The following C8orf34 variants were observed in gnomAD, a reference collection of about 807,000 sequenced individuals.
C8orf34 encodes uncharacterized protein C8orf34.
C8orf34 carries 65 observed loss-of-function variants against 68.3 expected under a neutral mutation model. The ratio of observed to expected loss-of-function variants is 0.95; its 90% confidence interval spans 0.78 to 1.17. C8orf34 has a LOEUF of 1.17. Among genes scored for constraint, C8orf34 ranks in the 50% most tolerant of loss-of-function variants. C8orf34 has a pLI of 0.00. For synonymous variants in C8orf34, 244 were observed against 241.2 expected (o/e 1.01, Z -0.11); for missense variants, 664 against 655.4 (o/e 1.01, Z -0.14).
chr8:68,471,141 A>G (rs764702619), intron 4 of C8orf34, among the ~76,000 whole-genome samples: 1 of 151,952 alleles, frequency 6.6e-6, no homozygotes, highest in African/African-American at 2.4e-5. Flanking sequence ...GTCATAGTCA[A>G]CTCCTATAGA....
At chr8:68,693,896 A>C (rs974708593) in intron 8 of C8orf34, among the ~76,000 whole-genome samples, 2 of 152,176 alleles carry the variant, frequency 1.3e-5, no homozygotes, top group East Asian at 1.9e-4. Flanking sequence ...GCTTTTAATA[A>C]TAAATTAAGA....
intron 7 of C8orf34, among the ~76,000 whole-genome samples, chr8:68,579,124 AT>A (rs952349064): frequency 2.0e-5 from 3 of 151,176 alleles, no homozygotes; most frequent in Non-Finnish European, 3.0e-5. Flanking sequence ...AGTTTTGAAA[AT>A]TTTTTTTTAA....
chr8:68,743,541 C>T (rs540683790), intron 10 of C8orf34, among the ~76,000 whole-genome samples: 7 of 152,258 alleles, frequency 4.6e-5, no homozygotes, highest in African/African-American at 7.2e-5. Context: ...GTGCGCAAGC[C>T]GAACCAGGGC....
At chr8:68,799,188 G>A (rs1488559025) in intron 12 of C8orf34, among the ~76,000 whole-genome samples, 1 of 152,144 alleles carries the variant, frequency 6.6e-6, no homozygotes, top group South Asian at 2.1e-4. Flanking sequence ...TTATAAAGGA[G>A]CGGCACATGT....
chr8:68,574,465 C>T (rs930714253), intron 7 of C8orf34, among the ~76,000 whole-genome samples: 4 of 151,922 alleles, frequency 2.6e-5, no homozygotes, highest in Non-Finnish European at 5.9e-5. Context: ...GTATATGTTC[C>T]CATTTTTAAA....
intron 7 of C8orf34, among the ~76,000 whole-genome samples, chr8:68,545,776 T>C (rs1815855452): frequency 6.6e-6 from 1 of 152,162 alleles, no homozygotes; most frequent in Non-Finnish European, 1.5e-5. Context: ...AAATCAGATC[T>C]ATAGAAAAGA....
At chr8:68,663,454 T>C (rs754146798) in intron 8 of C8orf34, among the ~76,000 whole-genome samples, 5 of 152,204 alleles carry the variant, frequency 3.3e-5, no homozygotes, top group Admixed American at 2.0e-4. Flanking sequence ...TCTTGGTATC[T>C]CACTAAATCT....
At chr8:68,663,893 T>C (rs1015981797) in intron 8 of C8orf34, among the ~76,000 whole-genome samples, 1 of 152,160 alleles carries the variant, frequency 6.6e-6, no homozygotes, top group African/African-American at 2.4e-5. Flanking sequence ...AGACAAAGTG[T>C]TTGGGGCAAA....
intron 12 of C8orf34, among the ~76,000 whole-genome samples, chr8:68,796,859 C>T (rs1476164240): frequency 7.7e-6 from 1 of 130,328 alleles, no homozygotes; most frequent in African/African-American, 2.9e-5. Context: ...CAGTGTCTTG[C>T]TCTGTCGCTG....
intron 7 of C8orf34, among the ~76,000 whole-genome samples, chr8:68,610,893 T>G (rs1033344104): frequency 1.4e-5 from 2 of 142,428 alleles, no homozygotes; most frequent in African/African-American, 5.5e-5. Flanking sequence ...AGACAGAGTT[T>G]TACTCTTGTT....
At chr8:68,604,253 A>T (rs993445493) in intron 7 of C8orf34, among the ~76,000 whole-genome samples, 3 of 152,074 alleles carry the variant, frequency 2.0e-5, no homozygotes, top group African/African-American at 7.2e-5. Context: ...GGGTGCTGGG[A>T]TAAGCTTTAG....
In C8orf34 at chr8:68,605,107, T is replaced by C. The variant is rs146912915; in HGVS notation, c.1106-35269T>C. Among the ~76,000 whole-genome samples the C allele has an allele frequency of 3.5e-3, 531 of 152,246 alleles. 6 individuals carry two copies. Among genetic ancestry groups the C allele is most frequent in the African/African-American group, 0.012 (509 of 41,562 alleles). On this transcript the variant is annotated intron_variant, in intron 7 of 13. Transcript: ENST00000518698. ...GATAGAAAATAAGCACTTGAAAATG[T>C]GCTCCACATCATTTGTCATTCAGAA...
chr8:68,722,642 G>A (rs1314324047), intron 10 of C8orf34, among the ~76,000 whole-genome samples: 1 of 151,802 alleles, frequency 6.6e-6, no homozygotes, highest in Admixed American at 6.6e-5. Flanking sequence ...TTTCTACTGT[G>A]TGATACAATT....
chr8:68,543,897 G>A (rs1289312051), intron 7 of C8orf34, among the ~76,000 whole-genome samples: 1 of 152,114 alleles, frequency 6.6e-6, no homozygotes, highest in Non-Finnish European at 1.5e-5. Context: ...ACAAAAGGCA[G>A]CACAGGTGTT....
At chr8:68,796,719 T>C (rs60086525) in intron 12 of C8orf34, among the ~76,000 whole-genome samples, 44,837 of 151,964 alleles carry the variant, frequency 0.3, 7,357 homozygotes, top group African/African-American at 0.44. Context: ...GCACAGAGAC[T>C]CTTCTAAAAT....
chr8:68,716,699 G>A (rs2129526296), intron 9 of C8orf34, among the ~76,000 whole-genome samples: 1 of 152,056 alleles, frequency 6.6e-6, no homozygotes, highest in South Asian at 2.1e-4. Flanking sequence ...AGGTATATGA[G>A]TTTTGGAAAA....
intron 1 of C8orf34, among the ~76,000 whole-genome samples, chr8:68,337,568 A>G (rs778541061): frequency 6.6e-6 from 1 of 152,114 alleles, no homozygotes; most frequent in Non-Finnish European, 1.5e-5. Context: ...TGTGGTCTCT[A>G]TGTGAATGGA....
chr8:68,376,728 C>T (rs373427399), intron 1 of C8orf34, among the ~76,000 whole-genome samples: 46 of 151,888 alleles, frequency 3.0e-4, no homozygotes, highest in African/African-American at 1.1e-3. Context: ...TGTTGTATGC[C>T]TTTTGAAGGA....
At chr8:68,400,245 C>G (rs1302894353) in intron 1 of C8orf34, among the ~76,000 whole-genome samples, 3 of 152,090 alleles carry the variant, frequency 2.0e-5, no homozygotes, top group Non-Finnish European at 4.4e-5. Context: ...TTTGCCAAGA[C>G]CAATGTGCAA....
Sources: gnomAD v4.1 joint callset for allele counts (sites outside exome capture counted in the v4.1 genomes callset) on GRCh38, gnomAD v4.1.1 for gene constraint, MANE v1.5 for transcripts, NCBI Gene and HGNC (gene_info 2026-07-23, HGNC 2026-07-21) for gene names.